Variants in REST observed in about 807,000 individuals in gnomAD.
REST encodes RE1 silencing transcription factor.
REST carries 1 observed loss-of-function variant against 30.4 expected under a neutral mutation model. The ratio of observed to expected loss-of-function variants is 0.03; its 90% confidence interval spans 0.01 to 0.16. REST has a LOEUF of 0.16. Among genes scored for constraint, REST ranks in the 10% least tolerant of loss-of-function variants. REST has a pLI of 1.00. For synonymous variants in REST, 504 were observed against 451.1 expected (o/e 1.12, Z -1.49); for missense variants, 1,259 against 1,329.5 (o/e 0.95, Z 0.82).
At position 56,930,584 on chromosome 4, in the gene REST, A is replaced by G; in HGVS notation, c.1726A>G (p.Lys576Glu). The G allele has an allele frequency of 6.2e-7, 1 of 1,612,044 alleles. No individual in the cohort carries two copies. Among genetic ancestry groups the G allele is most frequent in the Non-Finnish European group, 8.5e-7 (1 of 1,179,638 alleles). Residue 576 changes from lysine to glutamate, a missense_variant, in exon 4 of 4, where the codon AAA becomes GAA. By Grantham distance (56) the Lys-to-Glu change is moderately conservative (BLOSUM62 1). Transcript: ENST00000309042. ...GAATAAAAAGCAAAATACTTGCATG[A>G]AAAAAAGTACAAAGAAGAAAACTCT... Reference protein sequence around the residue: ...EENKKQNTCMKKSTKKKTLKN... With the variant: ...EENKKQNTCMEKSTKKKTLKN...
rs534157866 is a variant in REST, at chr4:56,935,457, A to G, written c.*3305A>G. On this transcript the variant is annotated 3_prime_UTR_variant, in exon 4 of 4. Coordinates refer to ENST00000309042, the MANE Select transcript of REST (RefSeq NM_005612.5). The stretch of plus-strand genomic sequence containing the variant: ...AATCAGATAGCTTTTACAGTTTCAC[A>G]TGTGTACATAGGTTCCCTCCCGGTC... The G allele has an allele frequency of 6.6e-6, 1 of 152,206 alleles. No individual in the cohort carries two copies. The highest frequency in any genetic ancestry group is 2.4e-5 in the African/African-American group (1 of 41,458). 9.4% of individuals were successfully genotyped at this position (152,206 alleles called of 1,614,324 possible).
chr4:56,918,132 A>C (rs1720289404), intron 2 of REST, among the ~76,000 whole-genome samples: 1 of 151,436 alleles, frequency 6.6e-6, no homozygotes. Context: ...TTGAGTCTTA[A>C]ATTCTTCAGT....
At chr4:56,929,074 T>TG in intron 3 of REST, among the ~76,000 whole-genome samples, 1 of 151,928 alleles carries the variant, frequency 6.6e-6, no homozygotes, top group Non-Finnish European at 1.5e-5. Flanking sequence ...AATTTTTTTT[T>TG]TTTTTTTTTC....
intron 3 of REST, among the ~76,000 whole-genome samples, chr4:56,928,085 G>GAGGGAGT (rs1720791702): frequency 2.0e-5 from 3 of 152,130 alleles, no homozygotes; most frequent in Admixed American, 6.5e-5. Context: ...ATTTAGGGTG[G>GAGGGAGT]AGGGAGTATG....
intron 1 of REST, among the ~76,000 whole-genome samples, chr4:56,908,710 C>T (rs1719740036): frequency 9.2e-5 from 14 of 152,034 alleles, no homozygotes; most frequent in Admixed American, 9.2e-4. Flanking sequence ...GAGTCAGCCC[C>T]GGGGCCCGGG....
rs754431649 is a variant in REST, at chr4:56,911,182, A to G, written c.544A>G (p.Ser182Gly). Residue 182 changes from serine to glycine, a missense_variant, in exon 2 of 4, where the codon AGT becomes GGT. Ser to Gly is a moderately conservative substitution (Grantham distance 56, BLOSUM62 0). Around this residue, in one of 5 missense-constraint regions of REST, gnomAD observed 249 missense variants for 251.5 expected, o/e 0.99. Coordinates refer to ENST00000309042, the MANE Select transcript of REST (RefSeq NM_005612.5). ...EQFVHHIRVH[S>G]AKKFFVEESA... ...GTTTGTGCATCACATCAGAGTTCAC[A>G]GTGCTAAGAAATTTTTTGTGGAAGA... is the stretch of plus-strand genomic sequence containing the variant. 1.2e-6 allele frequency: 2 copies of G among 1,614,218 alleles called. No individual in the cohort carries two copies. The highest frequency in any genetic ancestry group is 1.7e-6 in the Non-Finnish European group (2 of 1,180,038).
At position 56,931,913 on chromosome 4, in the gene REST, C is replaced by T; in HGVS notation, c.3055C>T (p.Leu1019=). 6.2e-7 allele frequency: 1 copy of T among 1,614,170 alleles called. No homozygotes were observed. The change falls in exon 4 of 4, where the codon CTA becomes TTA. Residue 1019 remains leucine (L), a synonymous_variant. Coordinates refer to ENST00000309042, the MANE Select transcript of REST (RefSeq NM_005612.5). ...EGIHSHEGSD[L]SDNMSEGSDD... Reference sequence around the variant, plus strand: ...CATCCACAGCCATGAAGGAAGTGACCTAAGTGACAACATGTCAGAGGGTAG... The same window carrying T: ...CATCCACAGCCATGAAGGAAGTGACTTAAGTGACAACATGTCAGAGGGTAG...
chr4:56,911,680 T>C (rs1719920822), intron 2 of REST, 144 bp downstream of exon 2: 1 of 662,132 alleles, frequency 1.5e-6, no homozygotes, highest in Admixed American at 2.9e-5. Flanking sequence ...ACAAGTTGTT[T>C]AACCTCTTTG....
At position 56,934,504 on chromosome 4, in the gene REST, C is replaced by A. The variant is rs1721083629; in HGVS notation, c.*2352C>A. 6.6e-6 allele frequency: 1 copy of A among 152,158 alleles called. No individual in the cohort carries two copies. The highest frequency in any genetic ancestry group is 6.6e-5 in the Admixed American group (1 of 15,254). 9.4% of individuals were successfully genotyped at this position (152,158 alleles called of 1,614,324 possible). ...ACATTGTTACTGGAAATTTATTGGA[C>A]TTGAGGCCTTCCTCCAGAAAATAAG... On this transcript the variant is annotated 3_prime_UTR_variant, in exon 4 of 4. Transcript: ENST00000309042.
Position 56,932,383 on chromosome 4 carries a change from T to C in REST, c.*231T>C. On this transcript the variant is annotated 3_prime_UTR_variant, in exon 4 of 4. Transcript: ENST00000309042. ...GCAGGTATCTGTTAGCTTATGTGTT[T>C]AATTGAAATTAGAAGGCTAAGATGG... The C allele has an allele frequency of 2.3e-6, 1 of 431,058 alleles. No individual in the cohort carries two copies. 26.7% of individuals were successfully genotyped at this position (431,058 alleles called of 1,614,324 possible).
chr4:56,918,262 T>C (rs1170176759), intron 2 of REST, among the ~76,000 whole-genome samples: 1 of 151,766 alleles, frequency 6.6e-6, no homozygotes, highest in Non-Finnish European at 1.5e-5. Context: ...GAGGCCAATA[T>C]AGGCGGATTG....
At chr4:56,926,267 GC>G (rs1335606557) in intron 3 of REST, among the ~76,000 whole-genome samples, 1 of 151,048 alleles carries the variant, frequency 6.6e-6, no homozygotes, top group African/African-American at 2.4e-5. Flanking sequence ...CACCATATTG[GC>G]CAGACTGGTC....
Position 56,931,349 on chromosome 4 carries a change from G to T in REST, c.2491G>T (p.Ala831Ser), listed in dbSNP as rs774780252. The change falls in exon 4 of 4, where the codon GCA becomes TCA. Residue 831 changes from alanine (A) to serine (S), a missense_variant. Physicochemically the swap from Ala to Ser is moderately conservative, Grantham distance 99. Around this residue, in one of 5 missense-constraint regions of REST, gnomAD observed 856 missense variants for 772.8 expected, o/e 1.11. Coordinates refer to ENST00000309042, the MANE Select transcript of REST (RefSeq NM_005612.5). ...AAAGTCTAACATGCAGAGTGAAAGG[G>T]CACGGAAGGAGCAAGTCCTTATTGA... is the stretch of plus-strand genomic sequence containing the variant. ...KEKSNMQSERARKEQVLIEVG... is the reference protein window; with the variant it reads ...KEKSNMQSERSRKEQVLIEVG... 3 of 1,614,124 alleles carry T rather than the reference G, an allele frequency of 1.9e-6. No homozygotes were observed. The African/African-American group carries it at 4.0e-5, about 22-fold the overall frequency.
intron 3 of REST, among the ~76,000 whole-genome samples, chr4:56,922,995 GT>G (rs1720524821): frequency 6.6e-6 from 1 of 152,156 alleles, no homozygotes; most frequent in African/African-American, 2.4e-5. Context: ...TGTTTATGGT[GT>G]TTTACACCAG....
rs538702285 is a variant in REST at position 56,930,740 on chromosome 4, G to A, written c.1882G>A (p.Val628Met). The change falls in exon 4 of 4, where the codon GTG (valine) becomes ATG (methionine). Residue 628 changes from valine to methionine, a missense_variant. By Grantham distance (21) the Val-to-Met change is conservative (BLOSUM62 1). This residue lies in a region of REST where 856 missense variants were observed against 772.8 expected (regional missense o/e 1.11). Transcript: ENST00000309042. ...TEAVQKGPVQ[V>M]EPPPPMEHAQ... Reference sequence around the variant, plus strand: ...GGCGGTTCAGAAGGGGCCCGTTCAGGTGGAGCCGCCACCTCCCATGGAGCA... The same window carrying A: ...GGCGGTTCAGAAGGGGCCCGTTCAGATGGAGCCGCCACCTCCCATGGAGCA... The A allele has an allele frequency of 1.2e-6, 2 of 1,601,492 alleles. No homozygotes were observed. The highest frequency in any genetic ancestry group is 2.2e-5 in the East Asian group (1 of 44,790).
chr4:56,908,977 C>T (rs1719762158), intron 1 of REST: 1 of 151,644 alleles, frequency 6.6e-6, no homozygotes. Flanking sequence ...GGGCGTTGGG[C>T]GAGCCCCGGG....
intron 3 of REST, among the ~76,000 whole-genome samples, chr4:56,925,562 C>A (rs1272817933): frequency 6.6e-6 from 1 of 152,188 alleles, no homozygotes; most frequent in South Asian, 2.1e-4. Context: ...TTGCAGAACT[C>A]TTTCCCCTTT....
rs758327399 is a variant in REST at position 56,931,384 on chromosome 4, A to T, written c.2526A>T (p.Leu842Phe). ...AGCAAGTCCTTATTGAAGTTGGCTT[A>T]GTGCCTGTTAAAGATAGCTGGCTTC... ...RKEQVLIEVG[L>F]VPVKDSWLLK... Residue 842 changes from leucine to phenylalanine, a missense_variant, in exon 4 of 4, where the codon TTA (leucine) becomes TTT (phenylalanine). Leu to Phe is a conservative substitution (Grantham distance 22). Coordinates refer to ENST00000309042, the MANE Select transcript of REST (RefSeq NM_005612.5). 5.0e-6 allele frequency: 8 copies of T among 1,614,154 alleles called. No homozygotes were observed. The highest frequency in any genetic ancestry group is 1.7e-6 in the Non-Finnish European group (2 of 1,180,050).
chr4:56,911,284 A>G lies in REST; in HGVS notation c.646A>G (p.Ile216Val), dbSNP rs1719895480. The G allele has an allele frequency of 6.2e-7, 1 of 1,614,160 alleles. No homozygotes were observed. The change falls in exon 2 of 4, where the codon ATT (isoleucine) becomes GTT (valine). Residue 216 changes from isoleucine to valine, a missense_variant. Transcript: ENST00000309042. ...AGAGGGAGATTTCTCCAAGGGCCCC[A>G]TTCGCTGTGACCGCTGCGGCTACAA... is the stretch of plus-strand genomic sequence containing the variant. ...AEEGDFSKGP[I>V]RCDRCGYNTN...
Sources: allele counts gnomAD v4.1 joint callset (sites outside exome capture counted in the v4.1 genomes callset), GRCh38; gene constraint gnomAD v4.1.1; regional missense constraint gnomAD v4.1.1; transcripts MANE v1.5; gene names NCBI Gene and HGNC (gene_info 2026-07-23, HGNC 2026-07-21).